Variants in PAWR observed in about 807,000 individuals in gnomAD.
The protein encoded by PAWR is pro-apoptotic WT1 regulator, also known as PRKC apoptosis WT1 regulator protein.
In PAWR, 23 loss-of-function variants were observed where a neutral mutation model predicts 32.0. The observed-to-expected ratio is 0.72, with a 90% CI of 0.52 to 1.02. PAWR has a LOEUF of 1.02. Ranked by LOEUF, PAWR falls within the 50% of genes least tolerant of loss-of-function variation. PAWR has a pLI of 0.00. For synonymous variants in PAWR, 226 were observed against 187.1 expected (o/e 1.21, Z -1.70); for missense variants, 457 against 437.7 (o/e 1.04, Z -0.39).
intron 2 of PAWR, among the ~76,000 whole-genome samples, chr12:79,649,262 A>AT (rs1876724612): frequency 6.6e-6 from 1 of 152,200 alleles, no homozygotes; most frequent in Non-Finnish European, 1.5e-5. Context: ...AAGAGGTCAG[A>AT]TTTAATTGAA....
intron 2 of PAWR, among the ~76,000 whole-genome samples, chr12:79,652,504 G>A (rs538200925): frequency 6.6e-6 from 1 of 152,172 alleles, no homozygotes; most frequent in South Asian, 2.1e-4. Context: ...AGAAGCTTCA[G>A]ATTTGTAATT....
Position 79,639,833 on chromosome 12 carries a change from CA to C in PAWR, c.517-18627del, listed in dbSNP as rs1876198749. Reference sequence around the variant, plus strand: ...TCCATTCCTTTTCCTTTTCCTTTTCCATTCCTATTCCTATTCCTATTCCTAT... The same window carrying C: ...TCCATTCCTTTTCCTTTTCCTTTTCCTTCCTATTCCTATTCCTATTCCTAT... On this transcript the variant is annotated intron_variant, in intron 2 of 6. Coordinates refer to ENST00000328827, the MANE Select transcript of PAWR (RefSeq NM_002583.4). Among the ~76,000 whole-genome samples, 262 of 127,478 alleles carry C rather than the reference CA, an allele frequency of 2.1e-3. 3 individuals carry two copies. The highest frequency in any genetic ancestry group is 9.1e-3 in the East Asian group (41 of 4,500). 83.6% of individuals were successfully genotyped at this position (127,478 alleles called of 152,430 possible).
intron 2 of PAWR, among the ~76,000 whole-genome samples, chr12:79,669,720 CT>C (rs929299436): frequency 6.6e-6 from 1 of 150,864 alleles, no homozygotes; most frequent in Non-Finnish European, 1.5e-5. Flanking sequence ...GTTATTCATT[CT>C]TTTTTTTTGT....
intron 4 of PAWR, among the ~76,000 whole-genome samples, chr12:79,606,526 T>C (rs901246916): frequency 1.3e-5 from 2 of 152,212 alleles, no homozygotes; most frequent in African/African-American, 4.8e-5. Context: ...TTTTCTGACA[T>C]TGTACTACAG....
chr12:79,652,498 G>C (rs901437302), intron 2 of PAWR, among the ~76,000 whole-genome samples: 1 of 152,150 alleles, frequency 6.6e-6, no homozygotes, highest in African/African-American at 2.4e-5. Context: ...TTGTGAAGAA[G>C]CTTCAGATTT....
At chr12:79,637,541 T>TAA (rs112508716) in intron 2 of PAWR, among the ~76,000 whole-genome samples, 5 of 132,884 alleles carry the variant, frequency 3.8e-5, no homozygotes, top group Non-Finnish European at 6.6e-5. Flanking sequence ...CATTGAACAT[T>TAA]AAAAAAAAAA....
Position 79,620,446 on chromosome 12 carries a change from T to C in PAWR, c.648+630A>G, listed in dbSNP as rs147026511. On this transcript the variant is annotated intron_variant, in intron 3 of 6. Coordinates refer to ENST00000328827, the MANE Select transcript of PAWR (RefSeq NM_002583.4). ...AAGCAAACCAAGGAGACTGCTCACA[T>C]AGCACAGCTCACTCAGCCTGACCTA... Among the ~76,000 whole-genome samples, 10 of 152,228 alleles carry C rather than the reference T, an allele frequency of 6.6e-5. No individual in the cohort carries two copies. The East Asian group carries it at 1.4e-3, about 21-fold the overall frequency.
intron 2 of PAWR, among the ~76,000 whole-genome samples, chr12:79,636,894 G>A (rs1875986593): frequency 6.6e-6 from 1 of 151,914 alleles, no homozygotes; most frequent in Middle Eastern, 3.2e-3. Flanking sequence ...AAATTTCTTA[G>A]GTGTTTTAAT....
In PAWR at chr12:79,591,611, A is replaced by G. The variant is rs1873559041; in HGVS notation, c.*996T>C. ...AGGAAGAAAATCCCTTAAATTTGAA[A>G]TAGCGGAATATTCTCTCATATGAAA... On this transcript the variant is annotated 3_prime_UTR_variant, in exon 7 of 7. Transcript: ENST00000328827. The G allele has an allele frequency of 2.0e-5, 3 of 152,158 alleles. No individual in the cohort carries two copies. The highest frequency in any genetic ancestry group is 6.5e-5 in the Admixed American group (1 of 15,272). The allele number at this position is 152,158 out of a possible 1,614,324, so 9.4% of individuals were successfully genotyped here.
chr12:79,677,754 A>G (rs540330304), intron 2 of PAWR, among the ~76,000 whole-genome samples: 2 of 152,194 alleles, frequency 1.3e-5, no homozygotes, highest in South Asian at 4.1e-4. Flanking sequence ...CAAGTAATAC[A>G]TGGAGAAAAA....
intron 2 of PAWR, among the ~76,000 whole-genome samples, chr12:79,639,881 T>TTCCCATTCCCATTCCATTCCATTCC (rs1876215099): frequency 8.9e-6 from 1 of 112,502 alleles, no homozygotes; most frequent in African/African-American, 5.1e-5. Flanking sequence ...TTCCTATTCC[T>TTCCCATTCCCATTCCATTCCATTCC]ATTCCATTCC....
chr12:79,609,440 A>C (rs1874338929), intron 4 of PAWR, among the ~76,000 whole-genome samples: 2 of 152,090 alleles, frequency 1.3e-5, no homozygotes, highest in South Asian at 4.2e-4. Flanking sequence ...TCAATCCTTG[A>C]ACTGTGGCCC....
chr12:79,641,845 C>CAAA (rs35377529), intron 2 of PAWR, among the ~76,000 whole-genome samples: 2 of 57,626 alleles, frequency 3.5e-5, no homozygotes, highest in Admixed American at 3.2e-4. Context: ...GACTCCGTCT[C>CAAA]AAAAAAAAAA....
Position 79,592,085 on chromosome 12 carries a change from GC to G in PAWR, c.*521del, listed in dbSNP as rs1436243474. On this transcript the variant is annotated 3_prime_UTR_variant, in exon 7 of 7. Coordinates refer to ENST00000328827, the MANE Select transcript of PAWR (RefSeq NM_002583.4). ...ATAAGAGCTTTCCTTTTAAAAGGTT[GC>G]TGTTATAAAAAAGTATGACTCTATT... 6.6e-6 allele frequency: 1 copy of G among 152,502 alleles called. No homozygotes were observed. The highest frequency in any genetic ancestry group is 2.4e-5 in the African/African-American group (1 of 41,424). 9.4% of individuals were successfully genotyped at this position (152,502 alleles called of 1,614,324 possible). A position where few individuals can be genotyped will look rare whatever the true frequency, so the allele number is the denominator to read the frequency against.
In PAWR at chr12:79,591,216, A is replaced by G. The variant is rs1475515768; in HGVS notation, c.*1391T>C. 6.6e-6 allele frequency: 1 copy of G among 152,196 alleles called. No homozygotes were observed. The highest frequency in any genetic ancestry group is 6.5e-5 in the Admixed American group (1 of 15,280). 9.4% of individuals were successfully genotyped at this position (152,196 alleles called of 1,614,324 possible). A position where few individuals can be genotyped will look rare whatever the true frequency, so the allele number is the denominator to read the frequency against. On this transcript the variant is annotated 3_prime_UTR_variant, in exon 7 of 7. Coordinates refer to ENST00000328827, the MANE Select transcript of PAWR (RefSeq NM_002583.4). ...AGAAAGCCAACCTAGGTAAATGTAG[A>G]GACTTTTAGAATTCAACATTTGATT...
At chr12:79,678,530 T>C (rs892186305) in intron 2 of PAWR, among the ~76,000 whole-genome samples, 1 of 152,254 alleles carries the variant, frequency 6.6e-6, no homozygotes, top group South Asian at 2.1e-4. Flanking sequence ...AGGATGGCCT[T>C]TGGGCAAGTC....
intron 2 of PAWR, among the ~76,000 whole-genome samples, chr12:79,658,127 C>G (rs1257307965): frequency 2.0e-5 from 3 of 152,100 alleles, no homozygotes; most frequent in Non-Finnish European, 4.4e-5. Context: ...ACTAAGAAAT[C>G]TAGAGGAATT....
intron 4 of PAWR, among the ~76,000 whole-genome samples, chr12:79,598,695 T>C (rs952376225): frequency 6.6e-6 from 1 of 152,232 alleles, no homozygotes; most frequent in African/African-American, 2.4e-5. Context: ...ACTTTACTGA[T>C]AGTTGTTACT....
At chr12:79,651,808 T>C (rs182180897) in intron 2 of PAWR, among the ~76,000 whole-genome samples, 1 of 152,226 alleles carries the variant, frequency 6.6e-6, no homozygotes, top group Admixed American at 6.5e-5. Context: ...AAGGCAACGG[T>C]ACAATCAGTA....
Sources: gnomAD v4.1 joint callset for allele counts (sites outside exome capture counted in the v4.1 genomes callset) on GRCh38, gnomAD v4.1.1 for gene constraint, MANE v1.5 for transcripts, NCBI Gene and HGNC (gene_info 2026-07-23, HGNC 2026-07-21) for gene names.